RBMS3: variants seen among roughly 807,000 people sequenced by gnomAD.
RBMS3 encodes RNA-binding motif, single-stranded-interacting protein 3.
RBMS3 carries 27 observed loss-of-function variants against 66.8 expected under a neutral mutation model. The ratio of observed to expected loss-of-function variants is 0.40; its 90% confidence interval spans 0.30 to 0.56. RBMS3 has a LOEUF of 0.56. Ranked by LOEUF, RBMS3 falls within the 20% of genes least tolerant of loss-of-function variation. The probability of loss-of-function intolerance (pLI) is 0.40; values close to 1 mark genes in which losing one functional copy is unlikely to be tolerated. For missense variants in RBMS3, 513 were observed against 549.5 expected (o/e 0.93, Z 0.66); for synonymous variants, 188 against 183.0 (o/e 1.03, Z -0.22).
At chr3:29,964,079 T>C (rs562107054) in intron 12 of RBMS3, among the ~76,000 whole-genome samples, 67 of 152,302 alleles carry the variant, frequency 4.4e-4, no homozygotes, top group Non-Finnish European at 9.0e-4. Flanking sequence ...TTAAAAGGAA[T>C]CCACCACGAA....
intron 2 of RBMS3, among the ~76,000 whole-genome samples, chr3:29,486,978 GA>G (rs78003317): frequency 4.6e-5 from 7 of 151,352 alleles, no homozygotes; most frequent in Non-Finnish European, 7.4e-5. Context: ...GCTTGGTGTG[GA>G]AAAAAAAGAT....
intron 4 of RBMS3, among the ~76,000 whole-genome samples, chr3:29,648,149 T>C (rs1311909691): frequency 6.6e-6 from 1 of 152,110 alleles, no homozygotes; most frequent in Non-Finnish European, 1.5e-5. Flanking sequence ...TGGATGTAGA[T>C]GTTGGATGGC....
chr3:29,665,656 T>C (rs529717405), intron 4 of RBMS3, among the ~76,000 whole-genome samples: 62 of 152,224 alleles, frequency 4.1e-4, no homozygotes, highest in Non-Finnish European at 7.1e-4. Flanking sequence ...TTTTAGGCTC[T>C]ATAACTTACC....
intron 4 of RBMS3, among the ~76,000 whole-genome samples, chr3:29,601,951 C>T (rs1021755147): frequency 8.6e-5 from 13 of 152,012 alleles, no homozygotes; most frequent in African/African-American, 2.7e-4. Context: ...ACCTTGGGAA[C>T]TCTGATTAGC....
At chr3:29,808,890 A>G (rs2057641063) in intron 6 of RBMS3, among the ~76,000 whole-genome samples, 1 of 151,910 alleles carries the variant, frequency 6.6e-6, no homozygotes, top group Admixed American at 6.6e-5. Flanking sequence ...TAAAGTTTAG[A>G]CTTACTTTAA....
rs139446730 is a variant in RBMS3, at chr3:29,365,857, C to T, written c.76-68886C>T. Among the ~76,000 whole-genome samples the T allele has an allele frequency of 1.1e-4, 17 of 152,274 alleles. No homozygotes were observed. The South Asian group carries it at 2.3e-3, about 20-fold the overall frequency. Reference sequence around the variant, plus strand: ...TGAAACTTCTTGAACCTTACATTTTCATTGACTTTCTTCCAGTTTTTGAAC... The same window carrying T: ...TGAAACTTCTTGAACCTTACATTTTTATTGACTTTCTTCCAGTTTTTGAAC... On this transcript the variant is annotated intron_variant, in intron 1 of 14. Transcript: ENST00000383767.
chr3:29,810,683 A>G (rs909337469), intron 6 of RBMS3, among the ~76,000 whole-genome samples: 5 of 152,212 alleles, frequency 3.3e-5, no homozygotes, highest in African/African-American at 1.2e-4. Flanking sequence ...GTATACATAT[A>G]TGTGTATGTG....
intron 4 of RBMS3, among the ~76,000 whole-genome samples, chr3:29,621,834 T>A (rs2048876051): frequency 6.6e-6 from 1 of 152,148 alleles, no homozygotes; most frequent in Admixed American, 6.5e-5. Flanking sequence ...AGATATCATA[T>A]ACCTGTAGAA....
rs1224866502 is a variant in RBMS3 at position 29,757,842 on chromosome 3, T to C, written c.558-5068T>C. Among the ~76,000 whole-genome samples, 3 of 152,280 alleles carry C rather than the reference T, an allele frequency of 2.0e-5. No individual in the cohort carries two copies. In the East Asian group the frequency reaches 5.8e-4, roughly 29 times the overall value. On this transcript the variant is annotated intron_variant, in intron 5 of 14. Coordinates refer to ENST00000383767, the MANE Select transcript of RBMS3 (RefSeq NM_001003793.3). ...ATTGGTATATTACTATTAACTAAACTCCAGACTCTATTTGGATTTTGCCAA... is the reference window on the plus strand; with the variant it reads ...ATTGGTATATTACTATTAACTAAACCCCAGACTCTATTTGGATTTTGCCAA...
At chr3:29,995,394 G>T (rs953934399) in intron 14 of RBMS3, among the ~76,000 whole-genome samples, 1 of 152,122 alleles carries the variant, frequency 6.6e-6, no homozygotes, top group Non-Finnish European at 1.5e-5. Flanking sequence ...CCAACGTTCA[G>T]ATTCAGGAAA....
intron 7 of RBMS3, among the ~76,000 whole-genome samples, chr3:29,878,965 TA>T (rs1387832799): frequency 1.3e-5 from 2 of 152,092 alleles, no homozygotes; most frequent in East Asian, 3.9e-4. Context: ...GGAGGATTGC[TA>T]GAGCCCAGGA....
At chr3:29,747,538 CA>C (rs200352957) in intron 5 of RBMS3, among the ~76,000 whole-genome samples, 3,429 of 151,912 alleles carry the variant, frequency 0.023, 53 homozygotes, top group Non-Finnish European at 0.032. Context: ...CATACACCCA[CA>C]AAAAAAATCT....
At chr3:29,412,803 C>T (rs2040319326) in intron 1 of RBMS3, among the ~76,000 whole-genome samples, 2 of 152,094 alleles carry the variant, frequency 1.3e-5, no homozygotes, top group South Asian at 4.1e-4. Context: ...GAACCTTAAG[C>T]AGGGAGGAGA....
At chr3:29,466,867 T>C (rs2042561946) in intron 2 of RBMS3, among the ~76,000 whole-genome samples, 1 of 152,034 alleles carries the variant, frequency 6.6e-6, no homozygotes. Flanking sequence ...GTCTGCTTAA[T>C]TGTTTTATTA....
At chr3:29,632,205 A>T (rs2049307652) in intron 4 of RBMS3, among the ~76,000 whole-genome samples, 1 of 151,982 alleles carries the variant, frequency 6.6e-6, no homozygotes. Flanking sequence ...ATGCAGGCAC[A>T]GATGATTCAA....
chr3:29,866,850 C>T (rs1046544889), intron 6 of RBMS3, among the ~76,000 whole-genome samples: 2 of 152,180 alleles, frequency 1.3e-5, no homozygotes, highest in African/African-American at 2.4e-5. Flanking sequence ...TCACTGAAGT[C>T]AGAGGCTCAT....
At chr3:29,675,708 C>T (rs143091587) in intron 4 of RBMS3, among the ~76,000 whole-genome samples, 2,257 of 152,184 alleles carry the variant, frequency 0.015, 57 homozygotes, top group African/African-American at 0.05. Flanking sequence ...CAGAGAAATG[C>T]GAATCAAAAC....
intron 12 of RBMS3, among the ~76,000 whole-genome samples, chr3:29,982,826 A>G (rs1302570612): frequency 6.6e-6 from 1 of 151,502 alleles, no homozygotes; most frequent in Non-Finnish European, 1.5e-5. Context: ...GAGTGTTCCA[A>G]TTATGTGGTC....
intron 4 of RBMS3, among the ~76,000 whole-genome samples, chr3:29,708,986 A>G (rs2149303094): frequency 6.6e-6 from 1 of 152,234 alleles, no homozygotes; most frequent in Non-Finnish European, 1.5e-5. Context: ...ATTGTATTTT[A>G]TGCCTGGCCG....
Sources: gnomAD v4.1 joint callset for allele counts (sites outside exome capture counted in the v4.1 genomes callset) on GRCh38, gnomAD v4.1.1 for gene constraint, MANE v1.5 for transcripts, NCBI Gene and HGNC (gene_info 2026-07-23, HGNC 2026-07-21) for gene names.